Variants in SGPL1 observed in about 807,000 individuals in gnomAD.
SGPL1 encodes sphingosine-1-phosphate lyase 1.
A neutral mutation model predicts 68.9 loss-of-function variants in SGPL1; 37 were observed. The ratio of observed to expected loss-of-function variants is 0.54; its 90% CI spans 0.41 to 0.71. SGPL1 has a LOEUF of 0.71. SGPL1 is among the 30% of genes least tolerant of loss of function. The pLI is 0.00. For synonymous variants in SGPL1, 236 were observed against 248.5 expected (o/e 0.95, Z 0.47); for missense variants, 551 against 704.6 (o/e 0.78, Z 2.47).
At chr10:70,817,412 A>G (rs1278833808) in intron 2 of SGPL1, among the ~76,000 whole-genome samples, 8 of 152,236 alleles carry the variant, frequency 5.3e-5, no homozygotes, top group Non-Finnish European at 1.2e-4. Context: ...TTATTGAAGA[A>G]TCTTTTTCAA....
At position 70,857,500 on chromosome 10, in the gene SGPL1, C is replaced by T. The variant is rs1589465037; in HGVS notation, c.410-114C>T. On this transcript the variant is annotated intron_variant, in intron 5 of 14. Transcript: ENST00000373202. ...CTATAAGAATGCTGTTGGGTTTCCA[C>T]TCAACATTTTTTTCTTTTGTATCCA... The T allele has an allele frequency of 6.4e-6, 5 of 782,970 alleles. No individual in the cohort carries two copies. In the East Asian group the frequency reaches 1.1e-4, roughly 17 times the overall value. 48.5% of individuals were successfully genotyped at this position (782,970 alleles called of 1,614,324 possible).
In SGPL1 at chr10:70,871,233, A is replaced by AT. The variant is rs3215323; in HGVS notation, c.909+97dup. ...GGGCAGTACTTGGCAAATAGAAGCG[A>AT]TTTTTTTTTTGTTTTTGACCACAGT... On this transcript the variant is annotated intron_variant, in intron 10 of 14. Transcript: ENST00000373202. 2,701 of 787,078 alleles carry AT rather than the reference A, an allele frequency of 3.4e-3. 1 individual carries two copies. The highest frequency in any genetic ancestry group is 5.5e-3 in the South Asian group (276 of 50,442). 48.8% of individuals were successfully genotyped at this position (787,078 alleles called of 1,614,324 possible).
intron 2 of SGPL1, among the ~76,000 whole-genome samples, chr10:70,822,225 A>G (rs1342974761): frequency 6.6e-6 from 1 of 152,174 alleles, no homozygotes; most frequent in Non-Finnish European, 1.5e-5. Flanking sequence ...AGGACATTAA[A>G]AAATTTGTTG....
chr10:70,867,186 ATATAT>A (rs1846206396), intron 7 of SGPL1, among the ~76,000 whole-genome samples: 1 of 152,138 alleles, frequency 6.6e-6, no homozygotes, highest in African/African-American at 2.4e-5. Context: ...ATTCATTCTC[ATATAT>A]TATTTTTTAA....
At chr10:70,852,972 A>G (rs1374735087) in intron 4 of SGPL1, among the ~76,000 whole-genome samples, 1 of 152,246 alleles carries the variant, frequency 6.6e-6, no homozygotes, top group Non-Finnish European at 1.5e-5. Flanking sequence ...AACGTAATAC[A>G]GGCTTTGAGG....
chr10:70,876,041 C>T (rs1846379317), intron 13 of SGPL1, among the ~76,000 whole-genome samples: 1 of 152,162 alleles, frequency 6.6e-6, no homozygotes, highest in Admixed American at 6.5e-5. Context: ...GCTTAGCCTT[C>T]CACACGTTGG....
chr10:70,852,706 A>ATG (rs35491906), intron 4 of SGPL1, among the ~76,000 whole-genome samples: 21,245 of 145,844 alleles, frequency 0.15, 1,618 homozygotes, highest in Non-Finnish European at 0.19. Flanking sequence ...ACATGTGTGT[A>ATG]TGTGTGTGTG....
At chr10:70,854,941 A>G in intron 5 of SGPL1, 86 bp downstream of exon 5, 1 of 1,186,548 alleles carries the variant, frequency 8.4e-7, no homozygotes, top group Middle Eastern at 2.1e-4. Context: ...GTTAAGAATA[A>G]CTCATCATTG....
chr10:70,866,705 T>C (rs563175480), intron 7 of SGPL1: 1 of 152,348 alleles, frequency 6.6e-6, no homozygotes, highest in African/African-American at 2.4e-5. Flanking sequence ...TGACCTCAGC[T>C]GTAAGCACTT....
At chr10:70,843,847 T>C (rs1460638415) in intron 2 of SGPL1, among the ~76,000 whole-genome samples, 2 of 152,186 alleles carry the variant, frequency 1.3e-5, no homozygotes, top group Non-Finnish European at 2.9e-5. Flanking sequence ...ATTTTAAAAA[T>C]TGTTAAAGAA....
At chr10:70,846,022 C>T (rs762247110) in intron 3 of SGPL1, among the ~76,000 whole-genome samples, 1 of 152,162 alleles carries the variant, frequency 6.6e-6, no homozygotes, top group Non-Finnish European at 1.5e-5. Flanking sequence ...CCATTTATGG[C>T]GCAGTAAACA....
chr10:70,876,678 T>A lies in SGPL1; in HGVS notation c.1566+17T>A. ...ACAGGAATGGTAGGGACACTTGGAG[T>A]TTTTTTTCTTCTCTTGGAAATTTAG... On this transcript the variant is annotated intron_variant, in intron 14 of 14. Coordinates refer to ENST00000373202, the MANE Select transcript of SGPL1 (RefSeq NM_003901.4). The A allele has an allele frequency of 6.3e-7, 1 of 1,596,046 alleles. No homozygotes were observed. Among genetic ancestry groups the A allele is most frequent in the South Asian group, 1.1e-5 (1 of 87,808 alleles).
At chr10:70,847,122 C>A (rs1463820419) in intron 3 of SGPL1, among the ~76,000 whole-genome samples, 6 of 151,950 alleles carry the variant, frequency 3.9e-5, no homozygotes, top group African/African-American at 1.4e-4. Flanking sequence ...GGCTGAACTC[C>A]AAGCCATTTG....
intron 2 of SGPL1, among the ~76,000 whole-genome samples, chr10:70,842,613 GT>G (rs201212272): frequency 1.5e-3 from 235 of 151,860 alleles, no homozygotes; most frequent in African/African-American, 5.4e-3. Context: ...AAGAAAGAGA[GT>G]GGGGGGAGGT....
chr10:70,877,705 G>A lies in SGPL1; in HGVS notation c.*370G>A. ...TGGGGTACAGTTTATGAGATAGCTA[G>A]AGCTTCTTTGTTATCTCAGGCAGGA... On this transcript the variant is annotated 3_prime_UTR_variant, in exon 15 of 15. Coordinates refer to ENST00000373202, the MANE Select transcript of SGPL1 (RefSeq NM_003901.4). 5.7e-6 allele frequency: 1 copy of A among 175,616 alleles called. No homozygotes were observed. The highest frequency in any genetic ancestry group is 1.2e-5 in the Non-Finnish European group (1 of 82,748). The allele number at this position is 175,616 out of a possible 1,614,324, so 10.9% of individuals were successfully genotyped here.
chr10:70,830,267 G>A (rs77777950), intron 2 of SGPL1, among the ~76,000 whole-genome samples: 10,639 of 152,118 alleles, frequency 0.07, 489 homozygotes, highest in African/African-American at 0.1. Context: ...CCATCCCCAC[G>A]ATCAATTTTA....
chr10:70,845,217 A>G (rs1373446145), intron 3 of SGPL1, among the ~76,000 whole-genome samples: 1 of 152,136 alleles, frequency 6.6e-6, no homozygotes, highest in Non-Finnish European at 1.5e-5. Flanking sequence ...CAGAAATCTC[A>G]GTATGGTTTA....
chr10:70,876,413 T>G, intron 13 of SGPL1, 128 bp from the exon 14 acceptor site: 2 of 825,508 alleles, frequency 2.4e-6, no homozygotes, highest in South Asian at 3.6e-5. Flanking sequence ...TAGGAACAAC[T>G]TGGATGACTA....
At chr10:70,828,265 G>A (rs1376567062) in intron 2 of SGPL1, among the ~76,000 whole-genome samples, 1 of 152,172 alleles carries the variant, frequency 6.6e-6, no homozygotes, top group African/African-American at 2.4e-5. Flanking sequence ...TACCACACAT[G>A]GAGAAGAGCA....
Sources: gnomAD v4.1 joint callset for allele counts (sites outside exome capture counted in the v4.1 genomes callset) on GRCh38, gnomAD v4.1.1 for gene constraint, MANE v1.5 for transcripts, NCBI Gene and HGNC (gene_info 2026-07-23, HGNC 2026-07-21) for gene names.